Variants in CNTN5 observed in about 807,000 individuals in gnomAD.
CNTN5 encodes contactin-5.
A neutral mutation model predicts 129.1 loss-of-function variants in CNTN5; 77 were observed. The ratio of observed to expected loss-of-function variants is 0.60; its 90% CI spans 0.50 to 0.72. The LOEUF (loss-of-function observed/expected upper bound fraction) is 0.72, where lower values mean the gene tolerates loss of function less well. Ranked by LOEUF, CNTN5 falls within the 30% of genes least tolerant of loss-of-function variation. The pLI is 0.00. For missense variants in CNTN5, 1,478 were observed against 1,328.8 expected (o/e 1.11, Z -1.75); for synonymous variants, 509 against 465.6 (o/e 1.09, Z -1.20).
intron 3 of CNTN5, among the ~76,000 whole-genome samples, chr11:99,563,026 A>G (rs1443100042): frequency 6.6e-6 from 1 of 152,206 alleles, no homozygotes; most frequent in Non-Finnish European, 1.5e-5. Context: ...GTTATAAGAC[A>G]AGGAAGCATG....
chr11:99,287,088 C>T (rs568647259), intron 1 of CNTN5, among the ~76,000 whole-genome samples: 15 of 152,220 alleles, frequency 9.9e-5, no homozygotes, highest in African/African-American at 3.4e-4. Context: ...ATTTAAAAGG[C>T]TGTCATGTGG....
intron 2 of CNTN5, among the ~76,000 whole-genome samples, chr11:99,467,265 T>C (rs1369208586): frequency 1.3e-5 from 2 of 152,164 alleles, no homozygotes; most frequent in Non-Finnish European, 2.9e-5. Context: ...TGGGAACTTT[T>C]ACCTGTTAAA....
intron 2 of CNTN5, among the ~76,000 whole-genome samples, chr11:99,452,390 T>TTTTTTTGGGCG (rs1005509594): frequency 7.2e-6 from 1 of 139,846 alleles, no homozygotes; most frequent in Non-Finnish European, 1.6e-5. Context: ...TTTTTTTTTT[T>TTTTTTTGGGCG]GGGACGGAGT....
intron 3 of CNTN5, among the ~76,000 whole-genome samples, chr11:99,804,299 T>A (rs1278716247): frequency 1.3e-5 from 2 of 152,142 alleles, no homozygotes; most frequent in African/African-American, 4.8e-5. Flanking sequence ...AAAATGTGTT[T>A]CCTAGATTAC....
At chr11:99,069,250 A>T (rs1363158331) in intron 1 of CNTN5, among the ~76,000 whole-genome samples, 1 of 152,074 alleles carries the variant, frequency 6.6e-6, no homozygotes, top group Non-Finnish European at 1.5e-5. Context: ...ATTACTCTGA[A>T]ATTTTTGCTG....
chr11:99,656,300 T>G (rs75207983), intron 3 of CNTN5, among the ~76,000 whole-genome samples: 339 of 152,248 alleles, frequency 2.2e-3, no homozygotes, highest in African/African-American at 7.4e-3. Context: ...TCTTTCTCCC[T>G]CCACCTTCTT....
In CNTN5 at chr11:99,021,046, A is replaced by C. The variant is rs1334247072; in HGVS notation, c.-434A>C. The C allele has an allele frequency of 6.5e-6, 1 of 152,766 alleles. No homozygotes were observed. Among genetic ancestry groups the C allele is most frequent in the Non-Finnish European group, 1.5e-5 (1 of 68,488 alleles). 9.5% of individuals were successfully genotyped at this position (152,766 alleles called of 1,614,324 possible). ...GAAGGCGGCAGCCAAAGTGCCATTA[A>C]AGCTCGGGGCGGAGAGGATGCGTTA... On this transcript the variant is annotated 5_prime_UTR_variant, in exon 1 of 25. Transcript: ENST00000524871.
intron 1 of CNTN5, among the ~76,000 whole-genome samples, chr11:99,076,181 G>T (rs1332359603): frequency 6.6e-6 from 1 of 151,784 alleles, no homozygotes; most frequent in East Asian, 1.9e-4. Flanking sequence ...TGAAAAAAAA[G>T]AAAATTAGCC....
intron 3 of CNTN5, among the ~76,000 whole-genome samples, chr11:99,644,978 A>AT (rs1382645927): frequency 1.3e-5 from 2 of 151,500 alleles, no homozygotes; most frequent in Non-Finnish European, 1.5e-5. Flanking sequence ...GAAAAAAAAA[A>AT]TTTTGAGGTC....
chr11:99,801,286 C>G (rs1189946955), intron 3 of CNTN5, among the ~76,000 whole-genome samples: 3 of 152,150 alleles, frequency 2.0e-5, no homozygotes, highest in Non-Finnish European at 2.9e-5. Context: ...TGTAATGTTT[C>G]TGCTGAGAAG....
chr11:99,204,865 T>C (rs1859397069), intron 1 of CNTN5, among the ~76,000 whole-genome samples: 1 of 152,206 alleles, frequency 6.6e-6, no homozygotes, highest in Non-Finnish European at 1.5e-5. Context: ...CTTGCACTTT[T>C]ATTTCTGAGG....
intron 24 of CNTN5, among the ~76,000 whole-genome samples, chr11:100,351,657 T>TA (rs60798966): frequency 0.38 from 39,298 of 103,352 alleles, 6,530 homozygotes; most frequent in East Asian, 0.65. Flanking sequence ...GTAGAGATAG[T>TA]AAAAAAAAAA....
At chr11:99,994,052 T>C (rs1939293141) in intron 8 of CNTN5, among the ~76,000 whole-genome samples, 1 of 152,184 alleles carries the variant, frequency 6.6e-6, no homozygotes, top group South Asian at 2.1e-4. Flanking sequence ...AAGAATGCCT[T>C]TGGCCATAAT....
chr11:99,821,501 C>G (rs1010819547), intron 4 of CNTN5, among the ~76,000 whole-genome samples: 6 of 152,078 alleles, frequency 3.9e-5, no homozygotes, highest in African/African-American at 1.2e-4. Flanking sequence ...AAGCACAACT[C>G]TCTGACACTT....
intron 2 of CNTN5, among the ~76,000 whole-genome samples, chr11:99,422,347 C>T (rs769548248): frequency 1.2e-4 from 18 of 151,494 alleles, no homozygotes; most frequent in Non-Finnish European, 1.6e-4. Flanking sequence ...TGAATGACAA[C>T]TCACTCTCTA....
intron 4 of CNTN5, among the ~76,000 whole-genome samples, chr11:99,824,250 G>T (rs894269967): frequency 1.3e-5 from 2 of 151,840 alleles, no homozygotes; most frequent in Non-Finnish European, 2.9e-5. Flanking sequence ...CAACATTATT[G>T]TATAGGTGTT....
At chr11:100,224,984 C>G (rs1939699) in intron 16 of CNTN5, 172 bp downstream of exon 16, 401,879 of 506,934 alleles carry the variant, frequency 0.79, 160,177 homozygotes, top group East Asian at 0.89. Flanking sequence ...ATGGAAAACT[C>G]CTCCTTAGTA....
intron 1 of CNTN5, among the ~76,000 whole-genome samples, chr11:99,233,648 A>G (rs979621038): frequency 2.0e-5 from 3 of 152,152 alleles, no homozygotes; most frequent in Admixed American, 1.3e-4. Flanking sequence ...TCGTATGTGT[A>G]TTAAATAATT....
chr11:100,339,865 G>T (rs564064118), intron 21 of CNTN5, among the ~76,000 whole-genome samples: 83 of 152,260 alleles, frequency 5.5e-4, no homozygotes, highest in African/African-American at 1.9e-3. Flanking sequence ...GAGGAAAGAT[G>T]ATCTCAATGC....
Sources: allele counts gnomAD v4.1 joint callset (sites outside exome capture counted in the v4.1 genomes callset), GRCh38; gene constraint gnomAD v4.1.1; transcripts MANE v1.5; gene names NCBI Gene and HGNC (gene_info 2026-07-23, HGNC 2026-07-21).